Variants in SPTBN5 observed in about 807,000 individuals in gnomAD.
The protein encoded by SPTBN5 is spectrin beta chain, non-erythrocytic 5.
SPTBN5 carries 513 observed loss-of-function variants against 477.6 expected under a neutral mutation model. That is an observed-to-expected ratio of 1.07 (90% CI 1.00 to 1.16). SPTBN5 has a LOEUF of 1.16. Ranked by LOEUF, SPTBN5 falls within the 50% of genes most tolerant of loss-of-function variation. The pLI is 0.00. For synonymous variants in SPTBN5, 2,169 were observed against 2,011.7 expected (o/e 1.08, Z -2.09); for missense variants, 5,062 against 4,731.8 (o/e 1.07, Z -2.05).
At chr15:41,852,773 G>GT (rs760719754) in intron 60 of SPTBN5, 38 bp from the exon 61 acceptor site, 3 of 1,597,114 alleles carry the variant, frequency 1.9e-6, no homozygotes, top group African/African-American at 3.3e-5. Flanking sequence ...CCAGCTTGGG[G>GT]GGGGGGGCCC....
At chr15:41,862,748 T>C in intron 42 of SPTBN5, 42 bp downstream of exon 42, 1 of 1,547,004 alleles carries the variant, frequency 6.5e-7, no homozygotes, top group Non-Finnish European at 8.7e-7. Context: ...AGGGTCCTAC[T>C]CAGGAGATGC....
intron 12 of SPTBN5, among the ~76,000 whole-genome samples, chr15:41,881,631 G>A (rs2066955943): frequency 6.6e-6 from 1 of 152,208 alleles, no homozygotes; most frequent in Admixed American, 6.5e-5. Flanking sequence ...TACTGGCCTG[G>A]GTGAAAGTGG....
Position 41,862,277 on chromosome 15 carries a change from A to T in SPTBN5, c.7401T>A (p.Asp2467Glu). Reference sequence around the variant, plus strand: ...GGAGTTTCTGAGCTTGGTGCAAGGCATCCAGCGCCTCCCTCCTGCCCACAG... The same window carrying T: ...GGAGTTTCTGAGCTTGGTGCAAGGCTTCCAGCGCCTCCCTCCTGCCCACAG... The part of the protein sequence containing the change: ...SRAQKRREAL[D>E]ALHQAQKLQA... Residue 2467 changes from aspartate (D) to glutamate (E), a missense_variant, in exon 44 of 68, where the codon GAT becomes GAA. Transcript: ENST00000320955. 1 of 1,604,488 alleles carries T rather than the reference A, an allele frequency of 6.2e-7. No individual in the cohort carries two copies.
Position 41,883,023 on chromosome 15 carries a change from T to A in SPTBN5, c.1865A>T (p.Gln622Leu). The change falls in exon 9 of 68, where the codon CAG becomes CTG. Residue 622 changes from glutamine to leucine, a missense_variant. Physicochemically the swap from Gln to Leu is moderately radical, Grantham distance 113. Coordinates refer to ENST00000320955, the MANE Select transcript of SPTBN5 (RefSeq NM_016642.4). ...AKARTLAQLQ[Q>L]SLVALVRARR... The stretch of plus-strand genomic sequence containing the variant: ...GGCCCTGACAAGAGCCACCAGGCTC[T>A]GTTGGAGCTGGGCCAGTGTCCTGGC... 6.4e-7 allele frequency: 1 copy of A among 1,552,374 alleles called. No homozygotes were observed. Among genetic ancestry groups the A allele is most frequent in the South Asian group, 1.2e-5 (1 of 85,154 alleles).
rs1027784073 is a variant in SPTBN5, at chr15:41,876,297, A to G, written c.3952-13T>C. The G allele has an allele frequency of 1.3e-6, 2 of 1,541,370 alleles. No individual in the cohort carries two copies. Among genetic ancestry groups the G allele is most frequent in the Admixed American group, 1.8e-5 (1 of 55,050 alleles). On this transcript the variant is annotated splice_polypyrimidine_tract_variant and intron_variant, in intron 20 of 67. Coordinates refer to ENST00000320955, the MANE Select transcript of SPTBN5 (RefSeq NM_016642.4). Reference sequence around the variant, plus strand: ...CCTGCTTCCACTCCTGCCAAGAACCAGGCGAGAGTGGGTCTCAGAGCACGG... The same window carrying G: ...CCTGCTTCCACTCCTGCCAAGAACCGGGCGAGAGTGGGTCTCAGAGCACGG...
At position 41,854,835 on chromosome 15, in the gene SPTBN5, G is replaced by A. The variant is rs778133099; in HGVS notation, c.9565C>T (p.Arg3189Cys). Residue 3189 changes from arginine (R) to cysteine (C), a missense_variant, in exon 56 of 68, where the codon CGC becomes TGC. Transcript: ENST00000320955. Reference sequence around the variant, plus strand: ...AACCTCTCCCAAGCAGCCTCAATGCGGCTCCTCTGGGCTTGGATGTGGGGA... The same window carrying A: ...AACCTCTCCCAAGCAGCCTCAATGCAGCTCCTCTGGGCTTGGATGTGGGGA... ...RYPHIQAQRS[R>C]IEAAWERLDQ... 24 of 1,595,872 alleles carry A rather than the reference G, an allele frequency of 1.5e-5. 1 individual carries two copies. Among genetic ancestry groups the A allele is most frequent in the African/African-American group, 9.5e-5 (7 of 73,942 alleles).
chr15:41,875,690 T>C, intron 21 of SPTBN5, 68 bp from the exon 22 acceptor site: 1 of 1,472,956 alleles, frequency 6.8e-7, no homozygotes, highest in South Asian at 1.3e-5. Flanking sequence ...CGCAGCAGGC[T>C]GGACCTGGGT....
In SPTBN5 at chr15:41,854,095, G is replaced by T. The variant is rs756144401; in HGVS notation, c.9729C>A (p.Ser3243Arg). The T allele has an allele frequency of 1.3e-6, 2 of 1,582,014 alleles. No homozygotes were observed. ...GCTGCAGGGTCCGCACAGATGACAG[G>T]CTGTGGCCTCCGTCCTCCCCCTTCA... ...ALMKGEDGGH[S>R]LSSVRTLQQQ... is the part of the protein sequence containing the mutation. Residue 3243 changes from serine (S) to arginine (R), a missense_variant, in exon 57 of 68, where the codon AGC becomes AGA. By Grantham distance (110) the Ser-to-Arg change is moderately radical (BLOSUM62 -1). Transcript: ENST00000320955.
At chr15:41,860,283 G>A (rs2066060087) in intron 47 of SPTBN5, among the ~76,000 whole-genome samples, 1 of 152,256 alleles carries the variant, frequency 6.6e-6, no homozygotes, top group Non-Finnish European at 1.5e-5. Context: ...TCTGTGCCCT[G>A]CGACCTTCCG....
rs551090004 is a variant in SPTBN5 at position 41,859,113 on chromosome 15, T to A, written c.7989-133A>T. The A allele has an allele frequency of 3.4e-4, 209 of 616,790 alleles. No homozygotes were observed. In the East Asian group the frequency reaches 4.7e-3, roughly 14 times the overall value. The allele number at this position is 616,790 out of a possible 1,614,324, so 38.2% of individuals were successfully genotyped here. On this transcript the variant is annotated intron_variant, in intron 47 of 67. Transcript: ENST00000320955. ...CCTTTGGAATAAAGGTACATTGCAC[T>A]CCCCCTCTGTATTTGTGTCTGTTAT...
intron 20 of SPTBN5, 110 bp from the exon 21 acceptor site, chr15:41,876,394 A>G: frequency 7.1e-7 from 1 of 1,416,724 alleles, no homozygotes; most frequent in South Asian, 1.3e-5. Flanking sequence ...CTCCTCAGGA[A>G]AAACCTGAGC....
intron 4 of SPTBN5, among the ~76,000 whole-genome samples, chr15:41,889,133 A>G (rs970719156): frequency 7.2e-5 from 11 of 152,212 alleles, no homozygotes; most frequent in Admixed American, 5.2e-4. Context: ...GAAACTGGCC[A>G]GGGGCCTGAG....
chr15:41,863,709 C>G lies in SPTBN5; in HGVS notation c.7144G>C (p.Glu2382Gln). Residue 2382 changes from glutamate to glutamine, a missense_variant, in exon 41 of 68, where the codon GAG becomes CAG. Physicochemically the swap from Glu to Gln is conservative, Grantham distance 29. Coordinates refer to ENST00000320955, the MANE Select transcript of SPTBN5 (RefSeq NM_016642.4). ...ELDNVTKRIQ[E>Q]KEALIQALDC... is the part of the protein sequence containing the mutation. Reference sequence around the variant, plus strand: ...GACCTCTTTCCACCACGTACCTTCTCCTGAATCCTCTTGGTGACATTGTCC... The same window carrying G: ...GACCTCTTTCCACCACGTACCTTCTGCTGAATCCTCTTGGTGACATTGTCC... 6.2e-7 allele frequency: 1 copy of G among 1,612,970 alleles called. No homozygotes were observed. Among genetic ancestry groups the G allele is most frequent in the Non-Finnish European group, 8.5e-7 (1 of 1,179,448 alleles).
chr15:41,882,376 G>T lies in SPTBN5; in HGVS notation c.2140C>A (p.Pro714Thr). 1 of 1,537,188 alleles carries T rather than the reference G, an allele frequency of 6.5e-7. No individual in the cohort carries two copies. Among genetic ancestry groups the T allele is most frequent in the South Asian group, 1.2e-5 (1 of 84,090 alleles). ...GCCTCTGCCCGTTCCCCGGGATCCGGCTGCGTTGGGGGCCTGCGGGCGCTG... is the reference window on the plus strand; with the variant it reads ...GCCTCTGCCCGTTCCCCGGGATCCGTCTGCGTTGGGGGCCTGCGGGCGCTG... The part of the protein sequence containing the change: ...DLSARRPPTQ[P>T]DPGERAEAVQ... The change falls in exon 11 of 68, where the codon CCG becomes ACG. Residue 714 changes from proline to threonine, a missense_variant. Coordinates refer to ENST00000320955, the MANE Select transcript of SPTBN5 (RefSeq NM_016642.4).
At position 41,890,188 on chromosome 15, in the gene SPTBN5, G is replaced by A. The variant is rs754784814; in HGVS notation, c.402C>T (p.Ile134=). 3 of 1,611,696 alleles carry A rather than the reference G, an allele frequency of 1.9e-6. No individual in the cohort carries two copies. The highest frequency in any genetic ancestry group is 2.2e-5 in the East Asian group (1 of 44,820). The change falls in exon 4 of 68, where the codon ATC becomes ATT. Residue 134 remains isoleucine (I), a synonymous_variant. Transcript: ENST00000320955. ...FLRAKVPVPL[I]GPENIVDGDQ... ...CTCCGTCCACGATGTTCTCTGGCCC[G>A]ATGAGTGGTACTGGCACCTGTGGGC...
rs750094345 is a variant in SPTBN5, at chr15:41,852,702, T to C, written c.10381A>G (p.Arg3461Gly). 6 of 1,613,262 alleles carry C rather than the reference T, an allele frequency of 3.7e-6. No homozygotes were observed. The South Asian group carries it at 6.6e-5, about 18-fold the overall frequency. ...AGCAGCTTTTCTAAGTCCTGGTGTC[T>C]GTGCAGCAGCAACTCCACATCTGAC... ...SVSDVELLLH[R>G]HQDLEKLLAA... The change falls in exon 61 of 68, where the codon AGA becomes GGA. Residue 3461 changes from arginine (R) to glycine (G), a missense_variant. By Grantham distance (125) the Arg-to-Gly change is moderately radical (BLOSUM62 -2). Coordinates refer to ENST00000320955, the MANE Select transcript of SPTBN5 (RefSeq NM_016642.4).
At chr15:41,865,771 A>T in intron 39 of SPTBN5, 37 bp downstream of exon 39, 2 of 1,519,828 alleles carry the variant, frequency 1.3e-6, no homozygotes, top group Non-Finnish European at 1.8e-6. Context: ...TCAGTGCGGG[A>T]TGCATGGCCA....
intron 6 of SPTBN5, 60 bp from the exon 7 acceptor site, chr15:41,886,426 C>T: frequency 6.7e-7 from 1 of 1,502,012 alleles, no homozygotes; most frequent in Non-Finnish European, 8.8e-7. Flanking sequence ...GGAATGGGCA[C>T]TGAGTGCCAG....
rs768473462 is a variant in SPTBN5, at chr15:41,868,450, G to T, written c.6005C>A (p.Ala2002Asp). The T allele has an allele frequency of 1.2e-6, 2 of 1,609,660 alleles. No individual in the cohort carries two copies. The highest frequency in any genetic ancestry group is 1.3e-5 in the African/African-American group (1 of 74,898). The change falls in exon 33 of 68, where the codon GCC (alanine) becomes GAC (aspartate). Residue 2002 changes from alanine (A) to aspartate (D), a missense_variant. Physicochemically the swap from Ala to Asp is moderately radical, Grantham distance 126. Coordinates refer to ENST00000320955, the MANE Select transcript of SPTBN5 (RefSeq NM_016642.4). ...AAGTGCCTGCTGCCCCAGCTGGGTG[G>T]CCTGCTGCCACAGCTTCTCCCGGGC... ...LEAREKLWQQ[A>D]TQLGQQALLA...
Sources: gnomAD v4.1 joint callset for allele counts (sites outside exome capture counted in the v4.1 genomes callset) on GRCh38, gnomAD v4.1.1 for gene constraint, MANE v1.5 for transcripts, NCBI Gene and HGNC (gene_info 2026-07-23, HGNC 2026-07-21) for gene names.